LINGO2: variants seen among roughly 807,000 people sequenced by gnomAD.
LINGO2 encodes the protein leucine rich repeat and Ig domain containing 2.
A neutral mutation model predicts 30.6 loss-of-function variants in LINGO2; 14 were observed. The ratio of observed to expected loss-of-function variants is 0.46; its 90% confidence interval spans 0.30 to 0.72. LINGO2 has a LOEUF of 0.72. LINGO2 is among the 30% of genes least tolerant of loss of function. LINGO2 has a pLI of 0.07. For synonymous variants in LINGO2, 317 were observed against 288.5 expected (o/e 1.10, Z -1.00); for missense variants, 729 against 751.7 (o/e 0.97, Z 0.35).
chr9:28,004,169 A>G (rs1822134101), intron 5 of LINGO2, among the ~76,000 whole-genome samples: 1 of 152,194 alleles, frequency 6.6e-6, no homozygotes, highest in Admixed American at 6.5e-5. Context: ...AGTGGTTTGT[A>G]TTAAAAATGA....
the LINGO2 span, among the ~76,000 whole-genome samples, chr9:29,022,907 C>T: frequency 6.7e-6 from 1 of 149,936 alleles, no homozygotes; most frequent in African/African-American, 2.4e-5. Context: ...TTGGTAGGCA[C>T]ACAATACACA....
the LINGO2 span, among the ~76,000 whole-genome samples, chr9:28,947,093 T>C: frequency 1.3e-5 from 2 of 152,084 alleles, no homozygotes; most frequent in Non-Finnish European, 2.9e-5. Context: ...ATGTCTTCTA[T>C]GTAAAAAATA....
chr9:28,174,999 GC>G (rs1353715443), intron 4 of LINGO2, among the ~76,000 whole-genome samples: 5 of 151,608 alleles, frequency 3.3e-5, no homozygotes, highest in Admixed American at 1.3e-4. Flanking sequence ...CATTCTACTG[GC>G]CAAGTATTGT....
At chr9:28,043,600 T>C (rs564298130) in intron 4 of LINGO2, among the ~76,000 whole-genome samples, 1 of 152,214 alleles carries the variant, frequency 6.6e-6, no homozygotes, top group Non-Finnish European at 1.5e-5. Flanking sequence ...CTTTTCTTTA[T>C]GGAAAGTTTC....
the LINGO2 span, among the ~76,000 whole-genome samples, chr9:28,971,151 C>G: frequency 1.3e-5 from 2 of 152,118 alleles, no homozygotes; most frequent in Non-Finnish European, 2.9e-5. Context: ...GAACTCACTG[C>G]CTTAAAGGGA....
At chr9:29,009,436 A>T in the LINGO2 span, among the ~76,000 whole-genome samples, 11 of 152,142 alleles carry the variant, frequency 7.2e-5, no homozygotes, top group Admixed American at 3.3e-4. Flanking sequence ...CACAATTGCT[A>T]CAAAGAGAAT....
chr9:27,942,782 A>T, the LINGO2 span: 1 of 152,154 alleles, frequency 6.6e-6, no homozygotes, highest in African/African-American at 2.4e-5. Flanking sequence ...AACACAAAAA[A>T]ATCTAACCAC....
At chr9:28,095,318 C>G (rs932931508) in intron 4 of LINGO2, among the ~76,000 whole-genome samples, 1 of 152,020 alleles carries the variant, frequency 6.6e-6, no homozygotes, top group Non-Finnish European at 1.5e-5. Flanking sequence ...AACCGCAGCA[C>G]CAATGTTGTT....
At chr9:27,985,749 TC>T (rs1200992782) in intron 5 of LINGO2, among the ~76,000 whole-genome samples, 1 of 151,598 alleles carries the variant, frequency 6.6e-6, no homozygotes, top group African/African-American at 2.4e-5. Flanking sequence ...CCCTTGAAAT[TC>T]CCCCCAACAC....
the LINGO2 span, among the ~76,000 whole-genome samples, chr9:29,124,031 C>T: frequency 2.0e-5 from 3 of 152,202 alleles, no homozygotes; most frequent in African/African-American, 7.2e-5. Context: ...CTATAGTAAC[C>T]AAAACAGCAT....
In LINGO2 at chr9:28,464,410, GT is replaced by G. The variant is rs796344685; in HGVS notation, c.-279+11529del. On this transcript the variant is annotated intron_variant, in intron 2 of 5. Transcript: ENST00000379992. ...TGGATGAATGAACATTCAATCTTCTGTTTAATAACACCTACTAATGGTTGTT... is the reference window on the plus strand; with the variant it reads ...TGGATGAATGAACATTCAATCTTCTGTTAATAACACCTACTAATGGTTGTT... 7.9e-5 allele frequency among the ~76,000 whole-genome samples: 12 copies of G among 152,256 alleles called. No individual in the cohort carries two copies. In the East Asian group the frequency reaches 1.7e-3, roughly 22 times the overall value.
chr9:28,201,043 C>G (rs1395088196), intron 4 of LINGO2, among the ~76,000 whole-genome samples: 2 of 150,996 alleles, frequency 1.3e-5, no homozygotes, highest in African/African-American at 2.4e-5. Context: ...AATCATACTG[C>G]TCTCCTTGAG....
chr9:28,380,707 G>C (rs1181517098), intron 2 of LINGO2, among the ~76,000 whole-genome samples: 2 of 152,054 alleles, frequency 1.3e-5, no homozygotes, highest in Admixed American at 6.6e-5. Flanking sequence ...TCTTAAAAGA[G>C]ATAGTATAAA....
At chr9:28,977,316 C>G in the LINGO2 span, among the ~76,000 whole-genome samples, 1 of 151,918 alleles carries the variant, frequency 6.6e-6, no homozygotes, top group Non-Finnish European at 1.5e-5. Context: ...TTAATCAACA[C>G]AGGGTAAATT....
chr9:28,823,839 T>A, the LINGO2 span, among the ~76,000 whole-genome samples: 2 of 152,162 alleles, frequency 1.3e-5, no homozygotes, highest in Non-Finnish European at 2.9e-5. Flanking sequence ...AGCTGTACAG[T>A]CTCATTGTTC....
chr9:28,221,353 C>CACCACAAA (rs1252347856), intron 4 of LINGO2, among the ~76,000 whole-genome samples: 1 of 145,502 alleles, frequency 6.9e-6, no homozygotes, highest in Admixed American at 6.8e-5. Context: ...TAAGTGTTCT[C>CACCACAAA]ACCACAAAAA....
At chr9:28,790,487 C>T in the LINGO2 span, among the ~76,000 whole-genome samples, 1 of 147,962 alleles carries the variant, frequency 6.8e-6, no homozygotes, top group Non-Finnish European at 1.5e-5. Context: ...CGCCACCACG[C>T]CCGGCTAATT....
At chr9:28,056,044 A>C (rs1238205758) in intron 4 of LINGO2, among the ~76,000 whole-genome samples, 1 of 152,184 alleles carries the variant, frequency 6.6e-6, no homozygotes, top group East Asian at 1.9e-4. Context: ...AAAAGAAACT[A>C]TTTTAAAGGA....
intron 4 of LINGO2, among the ~76,000 whole-genome samples, chr9:28,289,799 C>A (rs1823650632): frequency 6.6e-6 from 1 of 152,166 alleles, no homozygotes; most frequent in Non-Finnish European, 1.5e-5. Flanking sequence ...CCAGTCTCTC[C>A]CTTTTTGGAA....
Sources: gnomAD v4.1 joint callset for allele counts (sites outside exome capture counted in the v4.1 genomes callset) on GRCh38, gnomAD v4.1.1 for gene constraint, MANE v1.5 for transcripts, NCBI Gene and HGNC (gene_info 2026-07-23, HGNC 2026-07-21) for gene names.